DDR2: variants seen among roughly 807,000 people sequenced by gnomAD.
DDR2 encodes discoidin domain-containing receptor 2.
A neutral mutation model predicts 94.9 loss-of-function variants in DDR2; 27 were observed. The ratio of observed to expected loss-of-function variants is 0.28; its 90% confidence interval spans 0.21 to 0.39. DDR2 has a LOEUF of 0.39. Among genes scored for constraint, DDR2 ranks in the 10% least tolerant of loss-of-function variants. DDR2 has a pLI of 1.00. For missense variants in DDR2, 783 were observed against 1,076.0 expected (o/e 0.73, Z 3.81); for synonymous variants, 382 against 377.2 (o/e 1.01, Z -0.15).
chr1:162,631,861 G>GA (rs1656573790), upstream of DDR2: 1 of 151,944 alleles, frequency 6.6e-6, no homozygotes. Context: ...GCAGCCAACT[G>GA]GGAATTGAGT....
chr1:162,733,344 A>G (rs538775148), intron 3 of DDR2, among the ~76,000 whole-genome samples: 2 of 152,300 alleles, frequency 1.3e-5, no homozygotes, highest in South Asian at 4.1e-4. Context: ...AGGCACATTC[A>G]ATGGGAAAAC....
intron 2 of DDR2, among the ~76,000 whole-genome samples, chr1:162,669,427 A>T (rs1367296490): frequency 2.0e-5 from 3 of 152,214 alleles, no homozygotes; most frequent in Non-Finnish European, 4.4e-5. Flanking sequence ...TTGAAATGTA[A>T]ATGGGAAACA....
At chr1:162,697,298 G>A (rs573444319) in intron 2 of DDR2, among the ~76,000 whole-genome samples, 2 of 152,210 alleles carry the variant, frequency 1.3e-5, no homozygotes, top group East Asian at 1.9e-4. Flanking sequence ...AACTATTGGA[G>A]CCCAGGTGAT....
upstream of DDR2, chr1:162,632,037 TG>T (rs1287690528): frequency 6.6e-6 from 1 of 151,288 alleles, no homozygotes; most frequent in Non-Finnish European, 1.5e-5. Context: ...CCAACTGTCC[TG>T]GAAGCTTCAA....
At chr1:162,740,063 C>A (rs1407117071) in intron 3 of DDR2, among the ~76,000 whole-genome samples, 1 of 151,660 alleles carries the variant, frequency 6.6e-6, no homozygotes, top group Non-Finnish European at 1.5e-5. Context: ...CTAAAGTTTA[C>A]CTCTTTTTTT....
chr1:162,748,158 C>A (rs897696275), intron 3 of DDR2, among the ~76,000 whole-genome samples: 9 of 152,244 alleles, frequency 5.9e-5, no homozygotes, highest in South Asian at 2.1e-4. Context: ...CAATATTAAC[C>A]TTAAATGTAA....
chr1:162,761,767 C>T (rs1200546810), intron 9 of DDR2, among the ~76,000 whole-genome samples: 3 of 152,122 alleles, frequency 2.0e-5, no homozygotes, highest in Non-Finnish European at 4.4e-5. Flanking sequence ...CACACCTAAG[C>T]ATTACTGAGA....
At chr1:162,692,825 A>G (rs1660017237) in intron 2 of DDR2, among the ~76,000 whole-genome samples, 2 of 152,372 alleles carry the variant, frequency 1.3e-5, no homozygotes, top group African/African-American at 2.4e-5. Context: ...TGACCTAGCT[A>G]TAATCCAATG....
intron 3 of DDR2, among the ~76,000 whole-genome samples, chr1:162,752,525 CT>C (rs1414357373): frequency 1.3e-5 from 2 of 152,192 alleles, no homozygotes; most frequent in Non-Finnish European, 2.9e-5. Context: ...GTTACTCCGT[CT>C]TTGGTTGAAA....
chr1:162,774,961 C>T (rs894767415), intron 14 of DDR2, among the ~76,000 whole-genome samples: 1 of 152,116 alleles, frequency 6.6e-6, no homozygotes, highest in African/African-American at 2.4e-5. Flanking sequence ...GGAATGTGGG[C>T]TAGAGGCCTC....
chr1:162,768,248 G>T (rs953409990), intron 11 of DDR2, among the ~76,000 whole-genome samples: 1 of 152,156 alleles, frequency 6.6e-6, no homozygotes, highest in Non-Finnish European at 1.5e-5. Context: ...GGACCAAATA[G>T]CAACTCCCTT....
At chr1:162,740,795 C>T (rs1270964326) in intron 3 of DDR2, among the ~76,000 whole-genome samples, 2 of 152,030 alleles carry the variant, frequency 1.3e-5, no homozygotes, top group African/African-American at 4.8e-5. Context: ...TTAAAATAAA[C>T]CATGGGTTTG....
Position 162,754,833 on chromosome 1 carries a change from G to C in DDR2, c.395G>C (p.Trp132Ser). The C allele has an allele frequency of 6.2e-7, 1 of 1,614,072 alleles. No homozygotes were observed. The highest frequency in any genetic ancestry group is 2.2e-5 in the East Asian group (1 of 44,868). Reference protein sequence around the residue: ...YSRDGTRWISWRNRHGKQVLD... With the variant: ...YSRDGTRWISSRNRHGKQVLD... ...CGGGATGGCACTCGCTGGATCTCTTGGCGGAACCGTCATGGGAAACAGGTA... is the reference window on the plus strand; with the variant it reads ...CGGGATGGCACTCGCTGGATCTCTTCGCGGAACCGTCATGGGAAACAGGTA... Residue 132 changes from tryptophan (W) to serine (S), a missense_variant, in exon 5 of 18, where the codon TGG (tryptophan) becomes TCG (serine). Trp to Ser is a radical substitution (Grantham distance 177). Transcript: ENST00000367921.
At chr1:162,675,331 G>T (rs572452163) in intron 2 of DDR2, among the ~76,000 whole-genome samples, 1 of 152,174 alleles carries the variant, frequency 6.6e-6, no homozygotes, top group Non-Finnish European at 1.5e-5. Context: ...GGGTTCTGGC[G>T]GTGGCACAGC....
Position 162,736,090 on chromosome 1 carries a change from A to G in DDR2, c.82+16945A>G, listed in dbSNP as rs144153930. Among the ~76,000 whole-genome samples the G allele has an allele frequency of 5.5e-3, 832 of 152,352 alleles. 28 individuals are homozygous for G. Among genetic ancestry groups the G allele is most frequent in the Admixed American group, 0.041 (626 of 15,302 alleles). On this transcript the variant is annotated intron_variant, in intron 3 of 17. Coordinates refer to ENST00000367921, the MANE Select transcript of DDR2 (RefSeq NM_006182.4). ...GTCCAGGCTGAAGGGACCTGGGAGC[A>G]GTGGCTCCAGAGCCTGGCTACACAG...
chr1:162,667,778 C>T (rs1015571444), intron 2 of DDR2, among the ~76,000 whole-genome samples: 3 of 152,204 alleles, frequency 2.0e-5, no homozygotes, highest in African/African-American at 7.2e-5. Flanking sequence ...AATGACACTA[C>T]CCCTCTCCCT....
intron 2 of DDR2, among the ~76,000 whole-genome samples, chr1:162,687,483 G>GT (rs1222402306): frequency 2.6e-5 from 4 of 152,062 alleles, no homozygotes; most frequent in Non-Finnish European, 4.4e-5. Context: ...TTTGAAGTGG[G>GT]TTTTTTTCTT....
intron 3 of DDR2, among the ~76,000 whole-genome samples, chr1:162,750,698 A>T: frequency 6.6e-6 from 1 of 152,224 alleles, no homozygotes; most frequent in Admixed American, 6.5e-5. Context: ...GACAATCCTA[A>T]GCCAAAAGAA....
chr1:162,656,301 A>T (rs988384), intron 2 of DDR2, among the ~76,000 whole-genome samples: 138,918 of 152,236 alleles, frequency 0.91, 63,985 homozygotes, highest in Middle Eastern at 0.98. Context: ...TTCTGGAATG[A>T]GTGCTGAATG....
Sources: allele counts gnomAD v4.1 joint callset (sites outside exome capture counted in the v4.1 genomes callset), GRCh38; gene constraint gnomAD v4.1.1; transcripts MANE v1.5; gene names NCBI Gene and HGNC (gene_info 2026-07-23, HGNC 2026-07-21).